THADA: variants seen among roughly 807,000 people sequenced by gnomAD.
The protein encoded by THADA is THADA armadillo repeat containing, also known as tRNA (32-2'-O)-methyltransferase regulator THADA.
THADA carries 213 observed loss-of-function variants against 219.8 expected under a neutral mutation model. That is an observed-to-expected ratio of 0.97 (90% CI 0.87 to 1.09). THADA has a LOEUF of 1.09. THADA is among the 50% of genes least tolerant of loss of function. THADA has a pLI of 0.00. For synonymous variants in THADA, 1,018 were observed against 828.9 expected (o/e 1.23, Z -3.92); for missense variants, 2,956 against 2,311.3 (o/e 1.28, Z -5.72).
At chr2:43,327,090 T>C (rs938359522) in intron 30 of THADA, among the ~76,000 whole-genome samples, 4 of 151,870 alleles carry the variant, frequency 2.6e-5, no homozygotes, top group Admixed American at 2.0e-4. Flanking sequence ...AAAATACACA[T>C]AAAAACAGAG....
At chr2:43,314,789 G>A (rs1677891439) in intron 31 of THADA, among the ~76,000 whole-genome samples, 1 of 152,160 alleles carries the variant, frequency 6.6e-6, no homozygotes, top group African/African-American at 2.4e-5. Flanking sequence ...ATGACAGCTG[G>A]ATTCAGAAGA....
intron 11 of THADA, among the ~76,000 whole-genome samples, chr2:43,573,720 T>C (rs114219220): frequency 0.026 from 4,024 of 152,354 alleles, 116 homozygotes; most frequent in African/African-American, 0.075. Context: ...CGATACTACA[T>C]TCTTGCTTTG....
intron 36 of THADA, among the ~76,000 whole-genome samples, chr2:43,240,328 A>G (rs188582314): frequency 2.6e-4 from 40 of 152,358 alleles, no homozygotes; most frequent in African/African-American, 9.1e-4. Context: ...CTGAGCAAAA[A>G]TACATTCAGG....
At chr2:43,396,733 C>T (rs981140959) in intron 29 of THADA, among the ~76,000 whole-genome samples, 14 of 151,888 alleles carry the variant, frequency 9.2e-5, no homozygotes, top group East Asian at 7.7e-4. Flanking sequence ...ATGGCTTGAA[C>T]GCAGGAGGCG....
At chr2:43,259,635 A>G (rs766485841) in intron 36 of THADA, among the ~76,000 whole-genome samples, 2 of 152,242 alleles carry the variant, frequency 1.3e-5, no homozygotes, top group Admixed American at 6.5e-5. Flanking sequence ...AGTTAACAAT[A>G]TATCACGGAT....
At chr2:43,420,511 T>C (rs573383462) in intron 28 of THADA, among the ~76,000 whole-genome samples, 6 of 152,322 alleles carry the variant, frequency 3.9e-5, no homozygotes, top group African/African-American at 1.4e-4. Flanking sequence ...CACCTAAGAA[T>C]GGGACTGTGT....
intron 26 of THADA, among the ~76,000 whole-genome samples, chr2:43,434,027 G>C (rs913110026): frequency 6.6e-6 from 1 of 152,086 alleles, no homozygotes; most frequent in Admixed American, 6.6e-5. Context: ...GACACATCAA[G>C]GGCCAAGAGT....
intron 29 of THADA, among the ~76,000 whole-genome samples, chr2:43,380,686 A>C (rs576497673): frequency 6.6e-6 from 1 of 152,340 alleles, no homozygotes; most frequent in African/African-American, 2.4e-5. Context: ...CCAGTGCCCC[A>C]ATCTTGGTTT....
intron 26 of THADA, among the ~76,000 whole-genome samples, chr2:43,442,640 A>G (rs1680989792): frequency 6.6e-6 from 1 of 152,208 alleles, no homozygotes; most frequent in South Asian, 2.1e-4. Flanking sequence ...CAAGCTAAGC[A>G]GCTTTGCTGT....
At chr2:43,584,250 C>T (rs767530161) in intron 7 of THADA, among the ~76,000 whole-genome samples, 131 of 152,032 alleles carry the variant, frequency 8.6e-4, no homozygotes, top group African/African-American at 2.9e-3. Context: ...ACCTGTAAAA[C>T]ATCCAAGCTG....
At chr2:43,472,987 G>T (rs1453644729) in intron 26 of THADA, among the ~76,000 whole-genome samples, 2 of 152,144 alleles carry the variant, frequency 1.3e-5, no homozygotes, top group Admixed American at 1.3e-4. Flanking sequence ...GTTGTTCTGG[G>T]GTGAGTCAGA....
At chr2:43,283,959 G>A (rs1486560687) in intron 35 of THADA, among the ~76,000 whole-genome samples, 1 of 152,150 alleles carries the variant, frequency 6.6e-6, no homozygotes, top group Non-Finnish European at 1.5e-5. Flanking sequence ...TGGGTGGATT[G>A]CCTGAGGTCA....
chr2:43,417,605 G>A (rs1013822530), intron 28 of THADA, among the ~76,000 whole-genome samples: 9 of 152,200 alleles, frequency 5.9e-5, no homozygotes, highest in African/African-American at 9.7e-5. Flanking sequence ...AGAAAGCAAA[G>A]TAAGTCCAAA....
intron 9 of THADA, among the ~76,000 whole-genome samples, chr2:43,577,909 A>G (rs1028656939): frequency 2.6e-5 from 4 of 152,180 alleles, no homozygotes; most frequent in African/African-American, 9.7e-5. Context: ...ATCTTTTAAG[A>G]TACTAATGAG....
chr2:43,236,795 C>T (rs1668074723), intron 36 of THADA, among the ~76,000 whole-genome samples: 4 of 151,060 alleles, frequency 2.6e-5, no homozygotes, highest in Admixed American at 2.6e-4. Context: ...GGCACGGTGG[C>T]TCACGCCTGT....
At chr2:43,551,436 T>A (rs900936448) in intron 19 of THADA, among the ~76,000 whole-genome samples, 25 of 152,162 alleles carry the variant, frequency 1.6e-4, no homozygotes, top group Admixed American at 9.2e-4. Context: ...AATAAGCATT[T>A]CTTTTGAGCA....
rs2103815102 is a variant in THADA at position 43,541,309 on chromosome 2, T to C, written c.3114A>G (p.Glu1038=). ...GCGCAGTTACATCACATGTTTTTACTTCTTTACCTTAAACAAAAAAAAACA... is the reference window on the plus strand; with the variant it reads ...GCGCAGTTACATCACATGTTTTTACCTCTTTACCTTAAACAAAAAAAAACA... ...IDTSTEIKGK[E]VKTCDVTAQM... Residue 1038 remains glutamate (E), a synonymous_variant, in exon 21 of 38, where the codon GAA becomes GAG. Coordinates refer to ENST00000405975, the MANE Select transcript of THADA (RefSeq NM_022065.5). The C allele has an allele frequency of 1.9e-6, 3 of 1,612,920 alleles. No individual in the cohort carries two copies. Among genetic ancestry groups the C allele is most frequent in the South Asian group, 2.2e-5 (2 of 90,926 alleles).
chr2:43,398,172 T>C lies in THADA; in HGVS notation c.4059-33A>G, dbSNP rs1246457575. The stretch of plus-strand genomic sequence containing the variant: ...GAAATAAAAACACAAGACCATTCAA[T>C]AGTCATCTCCACATCTGTGACTTTG... On this transcript the variant is annotated intron_variant, in intron 28 of 37. Transcript: ENST00000405975. 1.2e-5 allele frequency: 19 copies of C among 1,603,442 alleles called. No individual in the cohort carries two copies. In the East Asian group the frequency reaches 2.5e-4, roughly 21 times the overall value.
intron 20 of THADA, 62 bp downstream of exon 20, chr2:43,549,148 C>A (rs1034337517): frequency 2.3e-6 from 3 of 1,315,618 alleles, no homozygotes; most frequent in Non-Finnish European, 3.0e-6. Context: ...ATAAAAAGGG[C>A]ATTCTGTACA....
Sources: gnomAD v4.1 joint callset for allele counts (sites outside exome capture counted in the v4.1 genomes callset) on GRCh38, gnomAD v4.1.1 for gene constraint, MANE v1.5 for transcripts, NCBI Gene and HGNC (gene_info 2026-07-23, HGNC 2026-07-21) for gene names.